AFG3L2: variants seen among roughly 807,000 people sequenced by gnomAD.
The protein encoded by AFG3L2 is AFG3 like matrix AAA peptidase subunit 2, also known as mitochondrial inner membrane m-AAA protease component AFG3L2.
A neutral mutation model predicts 94.5 loss-of-function variants in AFG3L2; 54 were observed. The observed-to-expected ratio is 0.57, with a 90% CI of 0.46 to 0.72. The LOEUF (loss-of-function observed/expected upper bound fraction) is 0.72, where lower values mean the gene tolerates loss of function less well. Among genes scored for constraint, AFG3L2 ranks in the 30% least tolerant of loss-of-function variants. The pLI is 0.00. For missense variants in AFG3L2, 754 were observed against 994.9 expected (o/e 0.76, Z 3.26); for synonymous variants, 377 against 365.5 (o/e 1.03, Z -0.36).
chr18:12,358,368 G>A (rs1004895945), intron 8 of AFG3L2, among the ~76,000 whole-genome samples: 5 of 152,210 alleles, frequency 3.3e-5, no homozygotes, highest in African/African-American at 7.2e-5. Flanking sequence ...GAGCTACAGC[G>A]GGCCTACAGT....
Position 12,370,921 on chromosome 18 carries a change from C to T in AFG3L2, c.220G>A (p.Glu74Lys). 1 of 1,545,342 alleles carries T rather than the reference C, an allele frequency of 6.5e-7. No individual in the cohort carries two copies. Among genetic ancestry groups the T allele is most frequent in the Non-Finnish European group, 8.9e-7 (1 of 1,124,640 alleles). Reference protein sequence around the residue: ...RFCSRPPKGFEKYFPNGKNGK... With the variant: ...RFCSRPPKGFKKYFPNGKNGK... ...TTTTTTCCATTAGGAAAGTATTTTT[C>T]AAATCCTGTTAGAAAAAGAAAAAAA... Residue 74 changes from glutamate (E) to lysine (K), a missense_variant, in exon 3 of 17, where the codon GAA (glutamate) becomes AAA (lysine). Around this residue, in one of 4 missense-constraint regions of AFG3L2, gnomAD observed 236 missense variants for 214.0 expected, o/e 1.10. Coordinates refer to ENST00000269143, the MANE Select transcript of AFG3L2 (RefSeq NM_006796.3).
chr18:12,352,797 A>C (rs1461147582), intron 10 of AFG3L2, among the ~76,000 whole-genome samples: 1 of 152,102 alleles, frequency 6.6e-6, no homozygotes, highest in Non-Finnish European at 1.5e-5. Context: ...TATTGGAATA[A>C]GGACTCTCAT....
intron 14 of AFG3L2, chr18:12,342,206 T>G (rs973499724): frequency 3.3e-5 from 5 of 152,202 alleles, no homozygotes. Flanking sequence ...GCGTTTCAAC[T>G]GCTCCATATC....
At chr18:12,361,666 A>G (rs1908666491) in intron 6 of AFG3L2, among the ~76,000 whole-genome samples, 1 of 152,180 alleles carries the variant, frequency 6.6e-6, no homozygotes, top group Admixed American at 6.5e-5. Flanking sequence ...ACAAAAAAAC[A>G]AAACCTCATA....
chr18:12,333,992 A>T (rs919435174), intron 16 of AFG3L2, among the ~76,000 whole-genome samples: 1 of 152,176 alleles, frequency 6.6e-6, no homozygotes, highest in African/African-American at 2.4e-5. Context: ...GAGGTCACTA[A>T]TGTTAGCCAC....
chr18:12,359,061 A>C, intron 7 of AFG3L2, 118 bp from the exon 8 acceptor site: 1 of 1,408,532 alleles, frequency 7.1e-7, no homozygotes, highest in East Asian at 2.5e-5. Context: ...TTCTGCACTT[A>C]ATACAAAGGA....
intron 3 of AFG3L2, among the ~76,000 whole-genome samples, chr18:12,368,145 C>A (rs112406509): frequency 3.7e-4 from 55 of 150,064 alleles, no homozygotes; most frequent in African/African-American, 1.3e-3. Context: ...CCAGCCTGGG[C>A]AACAAGCGTG....
At chr18:12,373,367 G>C (rs943042565) in intron 1 of AFG3L2, among the ~76,000 whole-genome samples, 1 of 152,184 alleles carries the variant, frequency 6.6e-6, no homozygotes. Context: ...GTCAAGCAGT[G>C]GGGTGTCCGA....
intron 15 of AFG3L2, among the ~76,000 whole-genome samples, chr18:12,337,792 CAG>C (rs1470910750): frequency 2.0e-5 from 3 of 151,912 alleles, no homozygotes; most frequent in Admixed American, 6.6e-5. Context: ...TTTTTTTAGA[CAG>C]AGTCTTGGTC....
intron 10 of AFG3L2, 126 bp from the exon 11 acceptor site, chr18:12,351,539 A>T: frequency 8.6e-6 from 7 of 818,324 alleles, no homozygotes; most frequent in Non-Finnish European, 1.2e-5. Context: ...TTCATTATCT[A>T]GTGTTTTTTG....
intron 1 of AFG3L2, 79 bp from the exon 2 acceptor site, chr18:12,371,770 G>A (rs1304907949): frequency 2.1e-5 from 24 of 1,140,288 alleles, no homozygotes; most frequent in Non-Finnish European, 3.0e-5. Context: ...TGGTCATAAA[G>A]TAGATGAAAG....
intron 14 of AFG3L2, chr18:12,341,539 A>G (rs1344032397): frequency 6.6e-6 from 1 of 151,908 alleles, no homozygotes; most frequent in African/African-American, 2.4e-5. Flanking sequence ...CACATACTTC[A>G]TTGTTTGGCC....
chr18:12,347,620 G>C (rs575038399), intron 13 of AFG3L2, among the ~76,000 whole-genome samples: 1 of 151,152 alleles, frequency 6.6e-6, no homozygotes, highest in South Asian at 2.1e-4. Context: ...GCACGATCTC[G>C]GCTCACCATA....
chr18:12,348,162 G>T (rs986126067), intron 13 of AFG3L2, 111 bp downstream of exon 13: 8 of 893,632 alleles, frequency 9.0e-6, no homozygotes, highest in Non-Finnish European at 1.4e-5. Flanking sequence ...TGGGCCCCAG[G>T]GCTGAGTGGA....
chr18:12,353,514 C>T (rs1478190144), intron 9 of AFG3L2, among the ~76,000 whole-genome samples: 1 of 81,062 alleles, frequency 1.2e-5, no homozygotes, highest in African/African-American at 4.8e-5. Flanking sequence ...AATTCTGTCT[C>T]AAAAAAAAAA....
chr18:12,358,528 G>A, intron 8 of AFG3L2, 142 bp downstream of exon 8: 3 of 1,088,344 alleles, frequency 2.8e-6, no homozygotes, highest in Non-Finnish European at 4.0e-6. Context: ...CGATCCTCGA[G>A]TTGGGCAGAG....
At chr18:12,343,681 C>T (rs1485780870) in intron 14 of AFG3L2, 1 of 210,810 alleles carries the variant, frequency 4.7e-6, no homozygotes, top group Non-Finnish European at 9.7e-6. Flanking sequence ...TGCTCAGATT[C>T]GGGCCTCACC....
chr18:12,333,179 T>C lies in AFG3L2; in HGVS notation c.2176-3396A>G, dbSNP rs190370252. Among the ~76,000 whole-genome samples the C allele has an allele frequency of 6.1e-3, 712 of 117,506 alleles. 19 individuals are homozygous for C. Among genetic ancestry groups the C allele is most frequent in the South Asian group, 0.011 (49 of 4,368 alleles). 77.1% of individuals were successfully genotyped at this position (117,506 alleles called of 152,430 possible). On this transcript the variant is annotated intron_variant, in intron 16 of 16. Coordinates refer to ENST00000269143, the MANE Select transcript of AFG3L2 (RefSeq NM_006796.3). Reference sequence around the variant, plus strand: ...ATCTAATATATATAATAATAGATAATATAATAAATAATATATATAATAATC... The same window carrying C: ...ATCTAATATATATAATAATAGATAACATAATAAATAATATATATAATAATC...
At chr18:12,344,999 G>A (rs185789688) in intron 13 of AFG3L2, among the ~76,000 whole-genome samples, 14 of 152,342 alleles carry the variant, frequency 9.2e-5, no homozygotes, top group African/African-American at 2.6e-4. Context: ...CTGGGCACGC[G>A]AAGATGGCTG....
Sources: allele counts gnomAD v4.1 joint callset (sites outside exome capture counted in the v4.1 genomes callset), GRCh38; gene constraint gnomAD v4.1.1; regional missense constraint gnomAD v4.1.1; transcripts MANE v1.5; gene names NCBI Gene and HGNC (gene_info 2026-07-23, HGNC 2026-07-21).